Variants in NOS2 observed in about 807,000 individuals in gnomAD.
The protein encoded by NOS2 is nitric oxide synthase 2.
In NOS2, 96 loss-of-function variants were observed where a neutral mutation model predicts 136.0. The ratio of observed to expected loss-of-function variants is 0.71; its 90% CI spans 0.60 to 0.84. The LOEUF (loss-of-function observed/expected upper bound fraction) is 0.84. NOS2 is among the 40% of genes least tolerant of loss of function. The pLI is 0.00. For missense variants in NOS2, 1,237 were observed against 1,496.9 expected (o/e 0.83, Z 2.87); for synonymous variants, 539 against 587.5 (o/e 0.92, Z 1.20).
chr17:27,796,070 C>A (rs1909344766), intron 2 of NOS2, among the ~76,000 whole-genome samples: 1 of 152,066 alleles, frequency 6.6e-6, no homozygotes, highest in South Asian at 2.1e-4. Context: ...GCAGATAGAT[C>A]ACTAGGGCCC....
At chr17:27,796,691 C>T (rs72845855) in intron 2 of NOS2, among the ~76,000 whole-genome samples, 1 of 152,216 alleles carries the variant, frequency 6.6e-6, no homozygotes, top group Non-Finnish European at 1.5e-5. Flanking sequence ...AGGGGCGTGA[C>T]TTGCTAGAAG....
intron 13 of NOS2, 102 bp from the exon 14 acceptor site, chr17:27,772,554 C>T (rs1908531556): frequency 7.2e-7 from 1 of 1,385,948 alleles, no homozygotes. Flanking sequence ...TAATGTGGGG[C>T]AGGTTGAGGG....
At chr17:27,778,218 C>T (rs537490940) in intron 11 of NOS2, among the ~76,000 whole-genome samples, 5 of 151,258 alleles carry the variant, frequency 3.3e-5, no homozygotes, top group South Asian at 2.1e-4. Flanking sequence ...TTTTTTTGAG[C>T]GGAGTCTTGC....
Position 27,766,527 on chromosome 17 carries a change from T to A in NOS2, c.2229A>T (p.Leu743=). ...FTMRLKSRQN[L]QSPTSSRATI... ...TCCCTTACCTGGATGTCGGACTTTGTAGATTCTGCCGAGATTTGAGCCTCA... is the reference window on the plus strand; with the variant it reads ...TCCCTTACCTGGATGTCGGACTTTGAAGATTCTGCCGAGATTTGAGCCTCA... The change falls in exon 19 of 27, where the codon CTA becomes CTT. Residue 743 remains leucine, a synonymous_variant. Coordinates refer to ENST00000313735, the MANE Select transcript of NOS2 (RefSeq NM_000625.4). 1 of 1,614,102 alleles carries A rather than the reference T, an allele frequency of 6.2e-7. No individual in the cohort carries two copies. Among genetic ancestry groups the A allele is most frequent in the South Asian group, 1.1e-5 (1 of 91,084 alleles).
chr17:27,761,156 C>G lies in NOS2; in HGVS notation c.2876G>C (p.Cys959Ser), dbSNP rs1367747261. Reference sequence around the variant, plus strand: ...AAGGGGTGCTTACTTCCGCACAAAGCAGGGCACTGGGTCTTGGGGCTTCAG... The same window carrying G: ...AAGGGGTGCTTACTTCCGCACAAAGGAGGGCACTGGGTCTTGGGGCTTCAG... ...NSLKPQDPVP[C>S]FVRNASGFHL... The change falls in exon 23 of 27, where the codon TGC (cysteine) becomes TCC (serine). Residue 959 changes from cysteine (C) to serine (S), a missense_variant. Cys to Ser is a moderately radical substitution (Grantham distance 112). Transcript: ENST00000313735. 6.2e-7 allele frequency: 1 copy of G among 1,601,780 alleles called. No individual in the cohort carries two copies. The highest frequency in any genetic ancestry group is 8.5e-7 in the Non-Finnish European group (1 of 1,174,788).
rs1908115052 is a variant in NOS2 at position 27,761,170 on chromosome 17, T to C, written c.2862A>G (p.Gln954=). The C allele has an allele frequency of 6.2e-7, 1 of 1,608,466 alleles. No homozygotes were observed. The stretch of plus-strand genomic sequence containing the variant: ...TCCGCACAAAGCAGGGCACTGGGTC[T>C]TGGGGCTTCAGGCTGTTGAGCCATG... ...CSTWLNSLKP[Q]DPVPCFVRNA... The change falls in exon 23 of 27, where the codon CAA becomes CAG. Residue 954 remains glutamine, a synonymous_variant. Coordinates refer to ENST00000313735, the MANE Select transcript of NOS2 (RefSeq NM_000625.4).
At chr17:27,763,266 T>A (rs1309739709) in intron 21 of NOS2, among the ~76,000 whole-genome samples, 7 of 152,184 alleles carry the variant, frequency 4.6e-5, no homozygotes, top group Non-Finnish European at 7.3e-5. Context: ...TTTATTGTAA[T>A]TTATTTGGGG....
chr17:27,762,453 A>G (rs1908162972), intron 22 of NOS2, among the ~76,000 whole-genome samples: 1 of 152,200 alleles, frequency 6.6e-6, no homozygotes, highest in Non-Finnish European at 1.5e-5. Flanking sequence ...AATTGTCCCA[A>G]GAGTAGTGGG....
chr17:27,796,364 C>T (rs1192047559), intron 2 of NOS2, among the ~76,000 whole-genome samples: 2 of 152,034 alleles, frequency 1.3e-5, no homozygotes, highest in African/African-American at 2.4e-5. Context: ...GTGGGAGAAT[C>T]GCTTGAACCT....
intron 11 of NOS2, among the ~76,000 whole-genome samples, chr17:27,775,448 A>T (rs986012548): frequency 6.6e-6 from 1 of 152,086 alleles, no homozygotes; most frequent in Admixed American, 6.5e-5. Flanking sequence ...AAAATATAAT[A>T]ATTAGCCAGG....
chr17:27,762,060 G>C lies in NOS2; in HGVS notation c.2800+738C>G, dbSNP rs578173075. Among the ~76,000 whole-genome samples the C allele has an allele frequency of 4.6e-5, 7 of 152,308 alleles. No individual in the cohort carries two copies. In the South Asian group the frequency reaches 6.2e-4, roughly 14 times the overall value. ...AACCCAGGCAATGCTCAGTTACAGA[G>C]GGCAGGGCAGGGGGCAGCGGCCAGT... On this transcript the variant is annotated intron_variant, in intron 22 of 26. Coordinates refer to ENST00000313735, the MANE Select transcript of NOS2 (RefSeq NM_000625.4).
chr17:27,765,550 C>A lies in NOS2; in HGVS notation c.2413G>T (p.Ala805Ser), dbSNP rs201795332. 10 of 1,604,638 alleles carry A rather than the reference C, an allele frequency of 6.2e-6. No homozygotes were observed. The highest frequency in any genetic ancestry group is 8.5e-6 in the Non-Finnish European group (10 of 1,176,746). ...PTPHQTVRLE[A>S]LDESGSYWVS... ...CGGGGCTCACCACTCTCATCCAGGG[C>A]CTCCAGGCGCACTGTCTGGTGGGGT... Residue 805 changes from alanine to serine, a missense_variant, in exon 20 of 27, where the codon GCC becomes TCC. Ala to Ser is a moderately conservative substitution (Grantham distance 99). This residue lies in a region of NOS2 where 782 missense variants were observed against 909.9 expected (regional missense o/e 0.86). Transcript: ENST00000313735.
chr17:27,782,227 AC>A, intron 6 of NOS2, 121 bp from the exon 7 acceptor site: 1 of 807,066 alleles, frequency 1.2e-6, no homozygotes, highest in Non-Finnish European at 2.0e-6. Flanking sequence ...AACACTCAAC[AC>A]CATGCCGAAG....
At position 27,769,013 on chromosome 17, in the gene NOS2, C is replaced by T; in HGVS notation, c.1998G>A (p.Glu666=). ...MGEGDELSGQ[E]DAFRSWAVQT... The stretch of plus-strand genomic sequence containing the variant: ...GCACGGCCCAGCTGCGGAAGGCGTC[C>T]TCCTGCCCACTGAGCTCATCCCCTT... Residue 666 remains glutamate (E), a synonymous_variant, in exon 17 of 27, where the codon GAG becomes GAA. Transcript: ENST00000313735. 1.2e-6 allele frequency: 2 copies of T among 1,611,928 alleles called. No individual in the cohort carries two copies. The highest frequency in any genetic ancestry group is 8.5e-7 in the Non-Finnish European group (1 of 1,179,320).
At position 27,778,560 on chromosome 17, in the gene NOS2, AG is replaced by A. The variant is rs1908734630; in HGVS notation, c.1281+129del. The A allele has an allele frequency of 7.0e-6, 5 of 712,938 alleles. No individual in the cohort carries two copies. The South Asian group carries it at 8.2e-5, about 12-fold the overall frequency. The allele number at this position is 712,938 out of a possible 1,614,324, so 44.2% of individuals were successfully genotyped here. On this transcript the variant is annotated intron_variant, in intron 11 of 26. Coordinates refer to ENST00000313735, the MANE Select transcript of NOS2 (RefSeq NM_000625.4). ...AGGGATTGAACAGTCTTGGGAGGTGAGGAGCTGCCTGTTGCTGGACCTCTAG... is the reference window on the plus strand; with the variant it reads ...AGGGATTGAACAGTCTTGGGAGGTGAGAGCTGCCTGTTGCTGGACCTCTAG...
chr17:27,785,455 G>A (rs978639076), intron 5 of NOS2, among the ~76,000 whole-genome samples: 2 of 152,020 alleles, frequency 1.3e-5, no homozygotes, highest in African/African-American at 4.8e-5. Context: ...AATCACCTGG[G>A]GAGCTTTTGA....
At chr17:27,758,534 G>A (rs28944208) in intron 26 of NOS2, among the ~76,000 whole-genome samples, 1,806 of 152,220 alleles carry the variant, frequency 0.012, 35 homozygotes, top group African/African-American at 0.041. Context: ...GAGGCTGACG[G>A]GGGGCAGCCT....
At chr17:27,781,900 TCCC>T in intron 7 of NOS2, 112 bp downstream of exon 7, 1 of 819,968 alleles carries the variant, frequency 1.2e-6, no homozygotes, top group African/African-American at 1.8e-5. Flanking sequence ...TTTTTCTTTC[TCCC>T]TGGTTTCTCC....
intron 2 of NOS2, among the ~76,000 whole-genome samples, chr17:27,796,476 A>G (rs1203139080): frequency 6.6e-6 from 1 of 152,162 alleles, no homozygotes; most frequent in Non-Finnish European, 1.5e-5. Context: ...AATAAAAAAT[A>G]AAAATAGAAA....
Sources: gnomAD v4.1 joint callset for allele counts (sites outside exome capture counted in the v4.1 genomes callset) on GRCh38, gnomAD v4.1.1 for gene constraint, gnomAD v4.1.1 regional missense constraint, MANE v1.5 for transcripts, NCBI Gene and HGNC (gene_info 2026-07-23, HGNC 2026-07-21) for gene names.